Variants in IQANK1 observed in about 807,000 individuals in gnomAD.
The protein encoded by IQANK1 is IQ motif and ankyrin repeat domain-containing protein 1.
In IQANK1, 30 loss-of-function variants were observed where a neutral mutation model predicts 22.6. The observed-to-expected ratio is 1.33, with a 90% confidence interval of 0.99 to 1.80. The LOEUF (loss-of-function observed/expected upper bound fraction) is 1.80, where lower values mean the gene tolerates loss of function less well. Among genes scored for constraint, IQANK1 ranks in the 40% most tolerant of loss-of-function variants. The pLI is 0.00. For synonymous variants in IQANK1, 122 were observed against 99.6 expected, an observed-to-expected ratio of 1.23 and a Z score of -1.34; for missense variants, 275 against 235.2, an observed-to-expected ratio of 1.17 and a Z score of -1.11.
Position 143,739,909 on chromosome 8 carries a change from A to T in IQANK1, c.136A>T (p.Arg46Trp), listed in dbSNP as rs781842438. The T allele has an allele frequency of 1.4e-6, 1 of 698,434 alleles. No individual in the cohort carries two copies. The highest frequency in any genetic ancestry group is 1.5e-5 in the South Asian group (1 of 66,812). 43.3% of individuals were successfully genotyped at this position (698,434 alleles called of 1,614,324 possible). A position where few individuals can be genotyped will look rare whatever the true frequency, so the allele number is the denominator to read the frequency against. Residue 46 changes from arginine to tryptophan, a missense_variant, in exon 3 of 14, where the codon AGG (arginine) becomes TGG (tryptophan). Coordinates refer to ENST00000527139, the MANE Select transcript of IQANK1 (RefSeq NM_001381874.1). The part of the protein sequence containing the change: ...PPQRKAGWQA[R>W]EPASAESPQA... ...GCAGAGGAAAGCGGGCTGGCAGGCG[A>T]GGGAGCCCGCGTCGGCTGAGAGCCC... is the stretch of plus-strand genomic sequence containing the variant.
At chr8:143,743,779 T>G in intron 3 of IQANK1, 1 of 376,882 alleles carries the variant, frequency 2.7e-6, no homozygotes, top group Admixed American at 3.5e-5. Context: ...TACAGATAAG[T>G]GAGATCAGAA....
rs1161448126 is a variant in IQANK1 at position 143,772,207 on chromosome 8, G to C, written c.627G>C (p.Gln209His). Residue 209 changes from glutamine (Q) to histidine (H), a missense_variant, in exon 6 of 14, where the codon CAG becomes CAC. By Grantham distance (24) the Gln-to-His change is conservative. Transcript: ENST00000527139. ...CAGGCGGGCAGCCCCTGGCCATCCA[G>C]CTGCGGGCCGAGCTCGGCGCCAGCC... ...AAAGGQPLAI[Q>H]LRAELGASPN... The C allele has an allele frequency of 2.5e-6, 1 of 394,340 alleles. No homozygotes were observed. Among genetic ancestry groups the C allele is most frequent in the Non-Finnish European group, 4.5e-6 (1 of 223,292 alleles). The allele number at this position is 394,340 out of a possible 1,614,324, so 24.4% of individuals were successfully genotyped here.
chr8:143,788,978 A>G lies in IQANK1; in HGVS notation c.853A>G (p.Met285Val), dbSNP rs782170662. 9.8e-5 allele frequency: 39 copies of G among 399,382 alleles called. No individual in the cohort carries two copies. Among genetic ancestry groups the G allele is most frequent in the Non-Finnish European group, 1.5e-4 (34 of 226,402 alleles). 24.7% of individuals were successfully genotyped at this position (399,382 alleles called of 1,614,324 possible). A position where few individuals can be genotyped will look rare whatever the true frequency, so the allele number is the denominator to read the frequency against. The change falls in exon 8 of 14, where the codon ATG (methionine) becomes GTG (valine). Residue 285 changes from methionine (M) to valine (V), a missense_variant. Coordinates refer to ENST00000527139, the MANE Select transcript of IQANK1 (RefSeq NM_001381874.1). ...GTGGGACCTGAGCCTCACGGAGGCC[A>G]TGCTCCAGAACATGGAGGCTGAGCA... ...RSWDLSLTEA[M>V]LQNMEAEQQR...
Position 143,789,492 on chromosome 8 carries a change from G to GT in IQANK1, c.1051dup (p.Trp351LeufsTer86). 1 of 1,232,290 alleles carries GT rather than the reference G, an allele frequency of 8.1e-7. No homozygotes were observed. Among genetic ancestry groups the GT allele is most frequent in the Non-Finnish European group, 1.0e-6 (1 of 988,212 alleles). 76.3% of individuals were successfully genotyped at this position (1,232,290 alleles called of 1,614,324 possible). A position where few individuals can be genotyped will look rare whatever the true frequency, so the allele number is the denominator to read the frequency against. On this transcript the variant is annotated frameshift_variant, in exon 10 of 14. Transcript: ENST00000527139. LOFTEE classifies it high-confidence loss of function. The stretch of plus-strand genomic sequence containing the variant: ...GGATCTCAGAGCACGACCAGTGTGA[G>GT]TGGAGGTGCATGGACAAGACCAAGC...
chr8:143,772,035 C>G lies in IQANK1; in HGVS notation c.472-17C>G. The G allele has an allele frequency of 2.5e-6, 1 of 395,796 alleles. No homozygotes were observed. Among genetic ancestry groups the G allele is most frequent in the East Asian group, 3.6e-5 (1 of 27,878 alleles). The allele number at this position is 395,796 out of a possible 1,614,324, so 24.5% of individuals were successfully genotyped here. Reference sequence around the variant, plus strand: ...AGTGGGAGGAGCGGGGAGCGGTGACCGCGGCGAGCTGCGCAGGTGGAGCAG... The same window carrying G: ...AGTGGGAGGAGCGGGGAGCGGTGACGGCGGCGAGCTGCGCAGGTGGAGCAG... On this transcript the variant is annotated splice_polypyrimidine_tract_variant and intron_variant, in intron 5 of 13. Coordinates refer to ENST00000527139, the MANE Select transcript of IQANK1 (RefSeq NM_001381874.1).
intron 3 of IQANK1, among the ~76,000 whole-genome samples, chr8:143,769,192 C>T (rs1171453152): frequency 1.3e-5 from 2 of 151,264 alleles, no homozygotes; most frequent in Non-Finnish European, 2.9e-5. Flanking sequence ...CCTGAGTAAC[C>T]GGGACTACAG....
chr8:143,741,664 G>A (rs1818918720), intron 3 of IQANK1: 1 of 152,490 alleles, frequency 6.6e-6, no homozygotes, highest in Non-Finnish European at 1.5e-5. Flanking sequence ...TGGAGGGCGT[G>A]CTAGGCTCCA....
At chr8:143,742,958 G>A (rs1554626804) in intron 3 of IQANK1, 1 of 456,084 alleles carries the variant, frequency 2.2e-6, no homozygotes, top group Non-Finnish European at 4.4e-6. Flanking sequence ...GCACAGCCTA[G>A]ATCTATGGAC....
chr8:143,783,277 G>A (rs1283029588), intron 7 of IQANK1, among the ~76,000 whole-genome samples: 2 of 152,158 alleles, frequency 1.3e-5, no homozygotes, highest in Non-Finnish European at 2.9e-5. Context: ...TTTTAATGCA[G>A]ACTCATGGTG....
intron 7 of IQANK1, among the ~76,000 whole-genome samples, chr8:143,787,784 C>T (rs1179266655): frequency 6.6e-6 from 1 of 152,160 alleles, no homozygotes; most frequent in East Asian, 1.9e-4. Context: ...TCATCCTTCC[C>T]ACGCCACAAA....
In IQANK1 at chr8:143,771,097, C is replaced by A. The variant is rs1159445834; in HGVS notation, c.176-391C>A. On this transcript the variant is annotated intron_variant, in intron 3 of 13. Coordinates refer to ENST00000527139, the MANE Select transcript of IQANK1 (RefSeq NM_001381874.1). This position sits in a 1 kb window ranked among gnomAD's most constrained non-coding sequence, Gnocchi z 6.0. Reference sequence around the variant, plus strand: ...AGCCCTCCCAGGCCTGGGGCCCCCCCGCTCAGTCCAGCCTTCGCTCGCTGG... The same window carrying A: ...AGCCCTCCCAGGCCTGGGGCCCCCCAGCTCAGTCCAGCCTTCGCTCGCTGG... 6.6e-6 allele frequency among the ~76,000 whole-genome samples: 1 copy of A among 152,214 alleles called. No individual in the cohort carries two copies. The highest frequency in any genetic ancestry group is 2.4e-5 in the African/African-American group (1 of 41,470).
Position 143,747,910 on chromosome 8 carries a change from G to GACCTT in IQANK1, c.175+7962_175+7963insACCTT, listed in dbSNP as rs1819060732. Among the ~76,000 whole-genome samples the GACCTT allele has an allele frequency of 2.8e-5, 3 of 106,298 alleles. No individual in the cohort carries two copies. The South Asian group carries it at 1.0e-3, about 36-fold the overall frequency. The allele number at this position is 106,298 out of a possible 152,430, so 69.7% of individuals were successfully genotyped here. On this transcript the variant is annotated intron_variant, in intron 3 of 13. Coordinates refer to ENST00000527139, the MANE Select transcript of IQANK1 (RefSeq NM_001381874.1). The stretch of plus-strand genomic sequence containing the variant: ...AGATCTAGTTGGTTGATTGTGTTAA[G>GACCTT]TCCTTTCCTTTCCTTTCCTTTCCTT...
chr8:143,764,734 GGAGA>G (rs1365941742), intron 3 of IQANK1, among the ~76,000 whole-genome samples: 1 of 152,148 alleles, frequency 6.6e-6, no homozygotes, highest in African/African-American at 2.4e-5. Context: ...AGAAAGAGAT[GGAGA>G]GAGAGAATGT....
At chr8:143,746,854 A>G (rs1819041847) in intron 3 of IQANK1, among the ~76,000 whole-genome samples, 4 of 151,994 alleles carry the variant, frequency 2.6e-5, no homozygotes, top group African/African-American at 9.7e-5. Flanking sequence ...GTACTCTCTT[A>G]TGATATTTTT....
intron 7 of IQANK1, among the ~76,000 whole-genome samples, chr8:143,776,614 A>T (rs1291764292): frequency 6.6e-6 from 1 of 152,156 alleles, no homozygotes; most frequent in Non-Finnish European, 1.5e-5. Context: ...AGTTAAGGAG[A>T]CAAGAATTCA....
intron 3 of IQANK1, among the ~76,000 whole-genome samples, chr8:143,770,992 G>C (rs1819559884): frequency 6.6e-6 from 1 of 152,228 alleles, no homozygotes; most frequent in Non-Finnish European, 1.5e-5. Flanking sequence ...GGGCGAGGGC[G>C]AGGCCGAGCC....
At position 143,739,882 on chromosome 8, in the gene IQANK1, C is replaced by A; in HGVS notation, c.109C>A (p.Pro37Thr). ...AAGKPGENRP[P>T]QRKAGWQARE... ...AGGGAAGCCCGGGGAGAACCGCCCG[C>A]CGCAGAGGAAAGCGGGCTGGCAGGC... is the stretch of plus-strand genomic sequence containing the variant. The change falls in exon 3 of 14, where the codon CCG becomes ACG. Residue 37 changes from proline to threonine, a missense_variant. Pro to Thr is a conservative substitution (Grantham distance 38). Coordinates refer to ENST00000527139, the MANE Select transcript of IQANK1 (RefSeq NM_001381874.1). 1 of 696,418 alleles carries A rather than the reference C, an allele frequency of 1.4e-6. No individual in the cohort carries two copies. The highest frequency in any genetic ancestry group is 2.6e-6 in the Non-Finnish European group (1 of 382,344). The allele number at this position is 696,418 out of a possible 1,614,324, so 43.1% of individuals were successfully genotyped here. A position where few individuals can be genotyped will look rare whatever the true frequency, so the allele number is the denominator to read the frequency against.
intron 3 of IQANK1, chr8:143,759,121 TG>T: frequency 3.1e-6 from 1 of 317,632 alleles, no homozygotes. Context: ...GAAGAGGTTC[TG>T]GAACACCACG....
chr8:143,763,838 C>T (rs781819938), intron 3 of IQANK1, among the ~76,000 whole-genome samples: 1 of 152,180 alleles, frequency 6.6e-6, no homozygotes, highest in Non-Finnish European at 1.5e-5. Context: ...GCCAATTGAT[C>T]CTCCAAACAG....
Sources: gnomAD v4.1 joint callset for allele counts (sites outside exome capture counted in the v4.1 genomes callset) on GRCh38, gnomAD v4.1.1 for gene constraint, Gnocchi (gnomAD v3.1) non-coding constraint, MANE v1.5 for transcripts, NCBI Gene and HGNC (gene_info 2026-07-23, HGNC 2026-07-21) for gene names.